The following SGCZ variants were observed in gnomAD, a reference collection of about 807,000 sequenced individuals.
The protein encoded by SGCZ is sarcoglycan zeta.
A neutral mutation model predicts 41.3 loss-of-function variants in SGCZ; 40 were observed. The observed-to-expected ratio is 0.97, with a 90% CI of 0.75 to 1.26. The LOEUF (loss-of-function observed/expected upper bound fraction) is 1.26, where lower values mean the gene tolerates loss of function less well. Ranked by LOEUF, SGCZ falls within the 50% of genes most tolerant of loss-of-function variation. SGCZ has a pLI of 0.00. For synonymous variants in SGCZ, 206 were observed against 137.5 expected (o/e 1.50, Z -3.49); for missense variants, 552 against 369.8 (o/e 1.49, Z -4.04).
rs188502936 is a variant in SGCZ at position 14,444,531 on chromosome 8, A to T, written c.234+110201T>A. Reference sequence around the variant, plus strand: ...TTTGTAGGAACATGGATGAAATTGGAAATCATCATTCTCAGTAAACTATCG... The same window carrying T: ...TTTGTAGGAACATGGATGAAATTGGTAATCATCATTCTCAGTAAACTATCG... On this transcript the variant is annotated intron_variant, in intron 2 of 7. Coordinates refer to ENST00000382080, the MANE Select transcript of SGCZ (RefSeq NM_139167.4). Among the ~76,000 whole-genome samples, 737 of 152,158 alleles carry T rather than the reference A, an allele frequency of 4.8e-3. 4 individuals carry two copies. Among genetic ancestry groups the T allele is most frequent in the South Asian group, 0.023 (109 of 4,818 alleles).
intron 2 of SGCZ, among the ~76,000 whole-genome samples, chr8:14,554,232 G>A (rs1339781054): frequency 6.6e-6 from 1 of 152,014 alleles, no homozygotes; most frequent in African/African-American, 2.4e-5. Context: ...ATAGGCATTA[G>A]TCAATGTACT....
At chr8:15,101,874 G>A (rs1251712349) in intron 1 of SGCZ, among the ~76,000 whole-genome samples, 3 of 152,138 alleles carry the variant, frequency 2.0e-5, no homozygotes, top group Admixed American at 2.0e-4. Context: ...GCAGTGAGCC[G>A]AGATTGTGAC....
chr8:15,067,617 G>GT (rs146156720), intron 1 of SGCZ, among the ~76,000 whole-genome samples: 8,377 of 152,140 alleles, frequency 0.055, 239 homozygotes, highest in African/African-American at 0.062. Flanking sequence ...TTTTATATTT[G>GT]TACCACTTCT....
chr8:14,292,233 G>T (rs182426601), intron 3 of SGCZ, among the ~76,000 whole-genome samples: 8 of 151,946 alleles, frequency 5.3e-5, no homozygotes, highest in Non-Finnish European at 1.2e-4. Context: ...ACAAGAAAAT[G>T]AACAAACAAT....
At chr8:14,464,599 C>T (rs1010768861) in intron 2 of SGCZ, among the ~76,000 whole-genome samples, 3 of 148,776 alleles carry the variant, frequency 2.0e-5, no homozygotes, top group African/African-American at 4.9e-5. Context: ...TTGTTTATCT[C>T]TGCTTTAGTC....
At chr8:14,290,443 A>G (rs1310648219) in intron 3 of SGCZ, among the ~76,000 whole-genome samples, 1 of 152,104 alleles carries the variant, frequency 6.6e-6, no homozygotes. Flanking sequence ...CACATCTTAT[A>G]AGGGGCTAAT....
intron 1 of SGCZ, among the ~76,000 whole-genome samples, chr8:15,188,180 G>C (rs958641667): frequency 6.6e-6 from 1 of 151,966 alleles, no homozygotes; most frequent in Non-Finnish European, 1.5e-5. Context: ...ATTCATTGGA[G>C]TATTGTATCA....
intron 1 of SGCZ, among the ~76,000 whole-genome samples, chr8:15,169,734 T>C (rs1195321027): frequency 1.3e-5 from 2 of 152,200 alleles, no homozygotes; most frequent in African/African-American, 2.4e-5. Context: ...GGTGAAAAGA[T>C]GGCAAGGAAG....
chr8:14,294,392 C>A (rs540467435), intron 3 of SGCZ, among the ~76,000 whole-genome samples: 3 of 151,628 alleles, frequency 2.0e-5, no homozygotes, highest in South Asian at 4.2e-4. Flanking sequence ...CAAGCAACTA[C>A]CCAAAAATCT....
chr8:14,164,487 C>G (rs2116984336), intron 5 of SGCZ, 93 bp downstream of exon 5: 1 of 1,461,876 alleles, frequency 6.8e-7, no homozygotes, highest in Non-Finnish European at 9.4e-7. Flanking sequence ...CTACTTTAGG[C>G]ATAGGAATCA....
chr8:14,273,073 C>G (rs1323846722), intron 3 of SGCZ, among the ~76,000 whole-genome samples: 7 of 151,874 alleles, frequency 4.6e-5, no homozygotes, highest in African/African-American at 1.7e-4. Context: ...TATACAATTT[C>G]TTAATTTTTC....
intron 1 of SGCZ, among the ~76,000 whole-genome samples, chr8:14,832,867 G>C (rs954694676): frequency 6.6e-6 from 1 of 151,988 alleles, no homozygotes; most frequent in Non-Finnish European, 1.5e-5. Context: ...AAATAGGTAG[G>C]ATGTTTTAAT....
chr8:14,224,124 A>C (rs1806293360), intron 4 of SGCZ, among the ~76,000 whole-genome samples: 1 of 152,208 alleles, frequency 6.6e-6, no homozygotes, highest in Admixed American at 6.5e-5. Flanking sequence ...GGAACTTTTC[A>C]AAACAAATAA....
chr8:14,951,403 T>C (rs1486778259), intron 1 of SGCZ, among the ~76,000 whole-genome samples: 1 of 151,936 alleles, frequency 6.6e-6, no homozygotes, highest in Non-Finnish European at 1.5e-5. Context: ...TCGTTGTCAA[T>C]AGGTAGAGGA....
intron 3 of SGCZ, among the ~76,000 whole-genome samples, chr8:14,251,244 A>C (rs950779908): frequency 6.6e-6 from 1 of 152,128 alleles, no homozygotes; most frequent in African/African-American, 2.4e-5. Context: ...AATGAAAACA[A>C]ATACAAACAA....
intron 1 of SGCZ, among the ~76,000 whole-genome samples, chr8:15,216,923 G>A (rs921910922): frequency 2.0e-5 from 3 of 152,032 alleles, no homozygotes; most frequent in African/African-American, 7.2e-5. Context: ...TCTGCACATG[G>A]GATTAGGGTA....
At chr8:14,271,756 C>G (rs188420011) in intron 3 of SGCZ, among the ~76,000 whole-genome samples, 1 of 152,264 alleles carries the variant, frequency 6.6e-6, no homozygotes, top group East Asian at 1.9e-4. Flanking sequence ...CTTCTAAAAC[C>G]TCAGCTGTCC....
intron 3 of SGCZ, among the ~76,000 whole-genome samples, chr8:14,241,203 G>T (rs1406876272): frequency 6.6e-6 from 1 of 151,688 alleles, no homozygotes; most frequent in Non-Finnish European, 1.5e-5. Flanking sequence ...ATACTTGTGT[G>T]TTCCAAAATT....
At position 14,251,218 on chromosome 8, in the gene SGCZ, A is replaced by T. The variant is rs182869323; in HGVS notation, c.337-13539T>A. ...ACTCCAGTCTGGGCAACAGAGCGAG[A>T]CTCTATCTCAAAAAAAATGAAAACA... On this transcript the variant is annotated intron_variant, in intron 3 of 7. Coordinates refer to ENST00000382080, the MANE Select transcript of SGCZ (RefSeq NM_139167.4). Among the ~76,000 whole-genome samples, 45 of 152,190 alleles carry T rather than the reference A, an allele frequency of 3.0e-4. No individual in the cohort carries two copies. In the East Asian group the frequency reaches 7.7e-3, roughly 26 times the overall value.
Sources: gnomAD v4.1 joint callset for allele counts (sites outside exome capture counted in the v4.1 genomes callset) on GRCh38, gnomAD v4.1.1 for gene constraint, MANE v1.5 for transcripts, NCBI Gene and HGNC (gene_info 2026-07-23, HGNC 2026-07-21) for gene names.